SSH1: variants seen among roughly 807,000 people sequenced by gnomAD.
SSH1 encodes the protein slingshot protein phosphatase 1.
A neutral mutation model predicts 79.7 loss-of-function variants in SSH1; 43 were observed. That is an observed-to-expected ratio of 0.54 (90% CI 0.42 to 0.70). The LOEUF (loss-of-function observed/expected upper bound fraction) is 0.70. Among genes scored for constraint, SSH1 ranks in the 30% least tolerant of loss-of-function variants. The pLI is 0.00. For synonymous variants in SSH1, 599 were observed against 538.3 expected (o/e 1.11, Z -1.56); for missense variants, 1,206 against 1,358.8 (o/e 0.89, Z 1.77).
chr12:108,846,604 T>G (rs1234946294), intron 2 of SSH1, among the ~76,000 whole-genome samples: 1 of 152,252 alleles, frequency 6.6e-6, no homozygotes, highest in Non-Finnish European at 1.5e-5. Flanking sequence ...TGTGAGATGA[T>G]CAGTTCTTGA....
In SSH1 at chr12:108,820,681, C is replaced by A. The variant is rs144375929; in HGVS notation, c.215-2368G>T. On this transcript the variant is annotated intron_variant, in intron 3 of 14. Transcript: ENST00000326495. ...AATTGACTGGACTGGCTGAAACAAA[C>A]TGAACTACTTTTCCAAGGACAGAAT... Among the ~76,000 whole-genome samples the A allele has an allele frequency of 6.0e-3, 914 of 152,290 alleles. 6 individuals carry two copies. Among genetic ancestry groups the A allele is most frequent in the Non-Finnish European group, 9.2e-3 (629 of 68,002 alleles).
intron 2 of SSH1, among the ~76,000 whole-genome samples, chr12:108,841,891 C>G (rs1010869108): frequency 2.0e-5 from 3 of 151,916 alleles, no homozygotes; most frequent in Admixed American, 6.6e-5. Flanking sequence ...TGCCTGGAAT[C>G]CCAGCACTTT....
At position 108,823,241 on chromosome 12, in the gene SSH1, C is replaced by G; in HGVS notation, c.214+17G>C. ...AAAAGAAGCTCCAATGTAAGAGTAT[C>G]AACTTAGAGCCCTCACCTGCATGCT... On this transcript the variant is annotated intron_variant, in intron 3 of 14. Coordinates refer to ENST00000326495, the MANE Select transcript of SSH1 (RefSeq NM_018984.4). The G allele has an allele frequency of 6.4e-7, 1 of 1,560,622 alleles. No homozygotes were observed. Among genetic ancestry groups the G allele is most frequent in the Non-Finnish European group, 8.7e-7 (1 of 1,149,418 alleles).
At chr12:108,813,524 G>A (rs2037725775) in intron 5 of SSH1, among the ~76,000 whole-genome samples, 2 of 151,542 alleles carry the variant, frequency 1.3e-5, no homozygotes, top group Admixed American at 6.6e-5. Context: ...GACCAGCCTG[G>A]GCAATAGTGA....
rs760060282 is a variant in SSH1 at position 108,831,197 on chromosome 12, G to A, written c.111-7836C>T. On this transcript the variant is annotated intron_variant, in intron 2 of 14. Transcript: ENST00000326495. ...ATTGATGGGACAGGCTGAGACAAAC[G>A]GAATCACTTTTCCCTGGATAGAACT... 5.3e-5 allele frequency among the ~76,000 whole-genome samples: 8 copies of A among 152,114 alleles called. No individual in the cohort carries two copies. The South Asian group carries it at 6.2e-4, about 12-fold the overall frequency.
intron 3 of SSH1, 64 bp downstream of exon 3, chr12:108,823,194 G>A (rs538748343): frequency 1.4e-6 from 2 of 1,464,178 alleles, no homozygotes; most frequent in African/African-American, 1.4e-5. Flanking sequence ...CACCAACAAT[G>A]GAAGTTTCCT....
intron 10 of SSH1, among the ~76,000 whole-genome samples, chr12:108,803,948 G>A (rs1037865733): frequency 6.6e-6 from 1 of 152,060 alleles, no homozygotes; most frequent in African/African-American, 2.4e-5. Context: ...AGAAAACAAA[G>A]TCTTTCTTGT....
chr12:108,825,333 G>A (rs1456260154), intron 2 of SSH1, among the ~76,000 whole-genome samples: 2 of 152,170 alleles, frequency 1.3e-5, no homozygotes, highest in East Asian at 1.9e-4. Context: ...TTAAACGTTC[G>A]AATTCTGGAA....
rs1248914804 is a variant in SSH1, at chr12:108,852,647, A to G, written c.101T>C (p.Leu34Ser). Residue 34 changes from leucine to serine, a missense_variant, in exon 2 of 15, where the codon TTA (leucine) becomes TCA (serine). Coordinates refer to ENST00000326495, the MANE Select transcript of SSH1 (RefSeq NM_018984.4). ...LEAGSEEDRK[L>S]NLSLSESFFM... Reference sequence around the variant, plus strand: ...TTGAAAGTCTGCTTACCTGAGGTTTAATTTTCGATCTTCTTCGCTGCCAGC... The same window carrying G: ...TTGAAAGTCTGCTTACCTGAGGTTTGATTTTCGATCTTCTTCGCTGCCAGC... The G allele has an allele frequency of 1.2e-6, 2 of 1,614,166 alleles. No individual in the cohort carries two copies. Among genetic ancestry groups the G allele is most frequent in the South Asian group, 1.1e-5 (1 of 91,088 alleles).
Position 108,800,836 on chromosome 12 carries a change from C to T in SSH1, c.1092G>A (p.Glu364=), listed in dbSNP as rs745399271. 2 of 1,614,118 alleles carry T rather than the reference C, an allele frequency of 1.2e-6. No individual in the cohort carries two copies. The highest frequency in any genetic ancestry group is 2.2e-5 in the South Asian group (2 of 91,080). ...TCCAGTGGGCGAGGAGGTCTGTGGTCTCTTCATCGTAGACTCGGATGTTAT... is the reference window on the plus strand; with the variant it reads ...TCCAGTGGGCGAGGAGGTCTGTGGTTTCTTCATCGTAGACTCGGATGTTAT... ...AYHNIRVYDE[E]TTDLLAHWNE... Residue 364 remains glutamate, a synonymous_variant, in exon 12 of 15, where the codon GAG becomes GAA. Transcript: ENST00000326495.
intron 14 of SSH1, among the ~76,000 whole-genome samples, chr12:108,791,631 C>A (rs1032356908): frequency 2.0e-5 from 3 of 152,074 alleles, no homozygotes; most frequent in African/African-American, 2.4e-5. Context: ...TGGTAGCATG[C>A]GCCTGTGGTC....
At position 108,787,961 on chromosome 12, in the gene SSH1, G is replaced by A. The variant is rs759347830; in HGVS notation, c.*27C>T. The A allele has an allele frequency of 6.2e-6, 10 of 1,613,802 alleles. No individual in the cohort carries two copies. Among genetic ancestry groups the A allele is most frequent in the South Asian group, 1.1e-5 (1 of 91,060 alleles). ...AGGGAGGGATCATATGAAAATATCC[G>A]CCCAGCCTGACGCAGCAAAAGGCGG... is the stretch of plus-strand genomic sequence containing the variant. On this transcript the variant is annotated 3_prime_UTR_variant, in exon 15 of 15. Coordinates refer to ENST00000326495, the MANE Select transcript of SSH1 (RefSeq NM_018984.4).
At chr12:108,854,020 C>T (rs1300607963) in intron 1 of SSH1, among the ~76,000 whole-genome samples, 1 of 151,864 alleles carries the variant, frequency 6.6e-6, no homozygotes, top group African/African-American at 2.4e-5. Context: ...CTACCCCACA[C>T]TGAAGGAGAA....
chr12:108,829,599 T>C (rs1009411528), intron 2 of SSH1, among the ~76,000 whole-genome samples: 1 of 152,208 alleles, frequency 6.6e-6, no homozygotes, highest in Admixed American at 6.5e-5. Context: ...GTGTCTGCCC[T>C]GCTGCATAGA....
At chr12:108,835,402 G>GC (rs992942058) in intron 2 of SSH1, among the ~76,000 whole-genome samples, 34 of 152,198 alleles carry the variant, frequency 2.2e-4, no homozygotes, top group African/African-American at 7.5e-4. Flanking sequence ...CCACAGCACT[G>GC]CAACAGAGTA....
chr12:108,817,622 G>A (rs1166617992), intron 4 of SSH1, among the ~76,000 whole-genome samples: 1 of 152,128 alleles, frequency 6.6e-6, no homozygotes, highest in African/African-American at 2.4e-5. Context: ...CTTGACAGCA[G>A]GAACCAGGCC....
Position 108,788,991 on chromosome 12 carries a change from G to T in SSH1, c.2147C>A (p.Pro716Gln). 7 of 1,610,890 alleles carry T rather than the reference G, an allele frequency of 4.3e-6. No individual in the cohort carries two copies. The highest frequency in any genetic ancestry group is 5.9e-6 in the Non-Finnish European group (7 of 1,178,052). ...SGPTEPPPFL[P>Q]PAGSRRADTS... ...GTCTGCCCTCCTGGAGCCTGCTGGTGGTAGGAACGGGGGAGGTTCGGTTGG... is the reference window on the plus strand; with the variant it reads ...GTCTGCCCTCCTGGAGCCTGCTGGTTGTAGGAACGGGGGAGGTTCGGTTGG... The change falls in exon 15 of 15, where the codon CCA (proline) becomes CAA (glutamine). Residue 716 changes from proline (P) to glutamine (Q), a missense_variant. Coordinates refer to ENST00000326495, the MANE Select transcript of SSH1 (RefSeq NM_018984.4).
chr12:108,840,142 C>T lies in SSH1; in HGVS notation c.110+12496G>A, dbSNP rs148570075. Among the ~76,000 whole-genome samples, 1,341 of 152,306 alleles carry T rather than the reference C, an allele frequency of 8.8e-3. 27 individuals are homozygous for T. Among genetic ancestry groups the T allele is most frequent in the Non-Finnish European group, 0.011 (778 of 68,012 alleles). ...TGCAGGCTGGCCAGCGTGGCTTCCT[C>T]ATAAGCACATCACCCTGCATCCCGA... is the stretch of plus-strand genomic sequence containing the variant. On this transcript the variant is annotated intron_variant, in intron 2 of 14. Coordinates refer to ENST00000326495, the MANE Select transcript of SSH1 (RefSeq NM_018984.4).
At chr12:108,822,425 G>A (rs973043758) in intron 3 of SSH1, among the ~76,000 whole-genome samples, 1 of 151,214 alleles carries the variant, frequency 6.6e-6, no homozygotes, top group Non-Finnish European at 1.5e-5. Context: ...AAGAGCCACC[G>A]TGCCTGGCCA....
Sources: gnomAD v4.1 joint callset for allele counts (sites outside exome capture counted in the v4.1 genomes callset) on GRCh38, gnomAD v4.1.1 for gene constraint, MANE v1.5 for transcripts, NCBI Gene and HGNC (gene_info 2026-07-23, HGNC 2026-07-21) for gene names.